Variants in SPATA17 observed in about 807,000 individuals in gnomAD.
The protein encoded by SPATA17 is spermatogenesis-associated protein 17.
A neutral mutation model predicts 62.2 loss-of-function variants in SPATA17; 53 were observed. The ratio of observed to expected loss-of-function variants is 0.85; its 90% confidence interval spans 0.68 to 1.07. The LOEUF (loss-of-function observed/expected upper bound fraction) is 1.07. SPATA17 is among the 50% of genes least tolerant of loss of function. SPATA17 has a pLI of 0.00. For synonymous variants in SPATA17, 146 were observed against 146.8 expected (o/e 0.99, Z 0.04); for missense variants, 466 against 425.5 (o/e 1.10, Z -0.84).
At chr1:217,865,687 G>A (rs1675995046) in intron 10 of SPATA17, among the ~76,000 whole-genome samples, 1 of 152,132 alleles carries the variant, frequency 6.6e-6, no homozygotes, top group South Asian at 2.1e-4. Context: ...CATTGTTGTG[G>A]AGAAAAATTA....
At chr1:217,702,321 T>A (rs902136526) in intron 5 of SPATA17, among the ~76,000 whole-genome samples, 3 of 152,182 alleles carry the variant, frequency 2.0e-5, no homozygotes, top group Non-Finnish European at 4.4e-5. Flanking sequence ...TCTAATTTTT[T>A]AAATTACCCA....
intron 5 of SPATA17, among the ~76,000 whole-genome samples, chr1:217,733,974 C>T (rs1352029870): frequency 2.6e-5 from 4 of 152,166 alleles, no homozygotes; most frequent in South Asian, 4.2e-4. Flanking sequence ...CATACAGATC[C>T]GGGGAGTAGG....
At chr1:217,712,828 CA>C (rs1358000209) in intron 5 of SPATA17, among the ~76,000 whole-genome samples, 1 of 152,108 alleles carries the variant, frequency 6.6e-6, no homozygotes, top group Non-Finnish European at 1.5e-5. Flanking sequence ...GATGTTTTGG[CA>C]TCCAGAGACC....
chr1:217,746,319 G>A (rs1672750056), intron 6 of SPATA17, among the ~76,000 whole-genome samples: 1 of 151,854 alleles, frequency 6.6e-6, no homozygotes, highest in African/African-American at 2.4e-5. Flanking sequence ...AATCTAATAG[G>A]ATTTTTAGCA....
At chr1:217,813,702 GT>G (rs1444713498) in intron 9 of SPATA17, among the ~76,000 whole-genome samples, 2 of 151,820 alleles carry the variant, frequency 1.3e-5, no homozygotes, top group African/African-American at 4.8e-5. Flanking sequence ...AATTTTTTCA[GT>G]TTTCTTCCTC....
At chr1:217,748,175 C>G (rs948125844) in intron 6 of SPATA17, among the ~76,000 whole-genome samples, 1 of 151,470 alleles carries the variant, frequency 6.6e-6, no homozygotes, top group Admixed American at 6.6e-5. Flanking sequence ...TGGTGGCGAG[C>G]GCCTGTAGTC....
chr1:217,794,672 C>T (rs1415086385), intron 8 of SPATA17, among the ~76,000 whole-genome samples: 1 of 152,206 alleles, frequency 6.6e-6, no homozygotes, highest in African/African-American at 2.4e-5. Flanking sequence ...CACAGTCTGA[C>T]ATGGCAACAA....
At chr1:217,818,882 C>CTTTTTTTTTTTTTTTTTTCTT (rs34580904) in intron 9 of SPATA17, among the ~76,000 whole-genome samples, 2 of 125,396 alleles carry the variant, frequency 1.6e-5, no homozygotes, top group Non-Finnish European at 3.3e-5. Flanking sequence ...TTTCATTTTC[C>CTTTTTTTTTTTTTTTTTTCTT]TTTTTTTTTT....
intron 6 of SPATA17, among the ~76,000 whole-genome samples, chr1:217,760,180 CTTAAAG>C (rs1673138472): frequency 6.6e-6 from 1 of 152,062 alleles, no homozygotes; most frequent in Non-Finnish European, 1.5e-5. Context: ...ACCAGAGAGA[CTTAAAG>C]TTTGAGTGGT....
intron 3 of SPATA17, among the ~76,000 whole-genome samples, chr1:217,657,427 AGGAAT>A (rs1437306579): frequency 2.0e-5 from 3 of 152,212 alleles, no homozygotes; most frequent in Non-Finnish European, 1.5e-5. Flanking sequence ...AAACAAAGCC[AGGAAT>A]GGACAATCAC....
chr1:217,821,754 C>T (rs1414843814), intron 9 of SPATA17, among the ~76,000 whole-genome samples: 1 of 151,932 alleles, frequency 6.6e-6, no homozygotes, highest in African/African-American at 2.4e-5. Context: ...AACTGGTATC[C>T]TCCGATTTTA....
intron 5 of SPATA17, among the ~76,000 whole-genome samples, chr1:217,726,354 C>T (rs902385813): frequency 1.3e-5 from 2 of 152,174 alleles, no homozygotes; most frequent in African/African-American, 4.8e-5. Flanking sequence ...TCCTCATTCT[C>T]CTCCAGTCCA....
chr1:217,802,421 T>C (rs1330020119), intron 9 of SPATA17, among the ~76,000 whole-genome samples: 2 of 152,218 alleles, frequency 1.3e-5, no homozygotes, highest in South Asian at 4.1e-4. Flanking sequence ...CAAAGTACTA[T>C]AGACTATGTG....
At chr1:217,675,370 TG>T (rs1670923306) in intron 4 of SPATA17, among the ~76,000 whole-genome samples, 2 of 152,214 alleles carry the variant, frequency 1.3e-5, no homozygotes, top group South Asian at 4.1e-4. Flanking sequence ...AAAGACAAAT[TG>T]CTAATCTGTC....
intron 2 of SPATA17, among the ~76,000 whole-genome samples, chr1:217,649,753 G>C (rs1301347852): frequency 7.0e-6 from 1 of 142,034 alleles, no homozygotes; most frequent in African/African-American, 2.7e-5. Flanking sequence ...TTTTTTCAGT[G>C]CCCAAACTTT....
chr1:217,657,338 C>A (rs1379728160), intron 3 of SPATA17, among the ~76,000 whole-genome samples: 1 of 152,176 alleles, frequency 6.6e-6, no homozygotes, highest in Non-Finnish European at 1.5e-5. Context: ...TCATCCTATG[C>A]CCACACCACT....
At chr1:217,633,681 G>A (rs950694707) in intron 1 of SPATA17, among the ~76,000 whole-genome samples, 3 of 152,180 alleles carry the variant, frequency 2.0e-5, no homozygotes, top group Non-Finnish European at 4.4e-5. Flanking sequence ...TGAGTGTACT[G>A]TCCCAAATCC....
intron 5 of SPATA17, among the ~76,000 whole-genome samples, chr1:217,710,928 T>C (rs1671847774): frequency 6.6e-6 from 1 of 152,226 alleles, no homozygotes; most frequent in Non-Finnish European, 1.5e-5. Flanking sequence ...GAACCTTTTA[T>C]GACTTCTTTC....
intron 8 of SPATA17, among the ~76,000 whole-genome samples, chr1:217,800,467 T>G (rs1359566438): frequency 6.6e-6 from 1 of 151,536 alleles, no homozygotes; most frequent in African/African-American, 2.4e-5. Context: ...CATTCCTCTG[T>G]ACGTGCTTTC....
Sources: allele counts gnomAD v4.1 joint callset (sites outside exome capture counted in the v4.1 genomes callset), GRCh38; gene constraint gnomAD v4.1.1; transcripts MANE v1.5; gene names NCBI Gene and HGNC (gene_info 2026-07-23, HGNC 2026-07-21).